PLEKHH3: variants seen among roughly 807,000 people sequenced by gnomAD.
The protein encoded by PLEKHH3 is pleckstrin homology domain-containing family H member 3.
Under a neutral mutation model 77.8 loss-of-function variants are expected in PLEKHH3, and 57 were observed. The ratio of observed to expected loss-of-function variants is 0.73; its 90% confidence interval spans 0.59 to 0.91. PLEKHH3 has a LOEUF of 0.91. PLEKHH3 is among the 40% of genes least tolerant of loss of function. The pLI is 0.00. For synonymous variants in PLEKHH3, 467 were observed against 504.8 expected (o/e 0.93, Z 1.00); for missense variants, 1,082 against 1,091.2 (o/e 0.99, Z 0.12).
Position 42,671,360 on chromosome 17 carries a change from C to T in PLEKHH3, c.1275G>A (p.Thr425=), listed in dbSNP as rs771750549. 2 of 1,612,642 alleles carry T rather than the reference C, an allele frequency of 1.2e-6. No individual in the cohort carries two copies. The highest frequency in any genetic ancestry group is 1.3e-5 in the African/African-American group (1 of 74,930). ...CTTTCTCTGGCCTCACCTCCCCCGC[C>T]GTGGTGTGGGAGTCGATGGCCACAG... ...ACAVAIDSHT[T]AGEVARELVG... Residue 425 remains threonine (T), a synonymous_variant, in exon 8 of 13, where the codon ACG becomes ACA. Coordinates refer to ENST00000591022, the MANE Select transcript of PLEKHH3 (RefSeq NM_024927.5). The surrounding 1 kb of genome is among the most constrained non-coding windows in gnomAD (Gnocchi z 4.7).
intron 7 of PLEKHH3, 66 bp downstream of exon 7, chr17:42,672,020 C>T: frequency 7.5e-7 from 1 of 1,327,824 alleles, no homozygotes. Context: ...TTGCAAAAGA[C>T]CTTTCATTCT....
At chr17:42,672,525 C>T (rs2052726784) in intron 6 of PLEKHH3, 133 bp from the exon 7 acceptor site, 2 of 762,772 alleles carry the variant, frequency 2.6e-6, no homozygotes, top group Admixed American at 3.1e-5. Flanking sequence ...AGGGTACGAA[C>T]GACAGGAAGA....
chr17:42,675,981 C>A (rs745922119), intron 1 of PLEKHH3: 80 of 1,051,040 alleles, frequency 7.6e-5, no homozygotes, highest in Non-Finnish European at 8.9e-5. Flanking sequence ...GCAGCGGGAG[C>A]TCTCGCATCT....
At position 42,673,750 on chromosome 17, in the gene PLEKHH3, G is replaced by C; in HGVS notation, c.383C>G (p.Ser128Cys). The C allele has an allele frequency of 6.3e-7, 1 of 1,599,488 alleles. No homozygotes were observed. Among genetic ancestry groups the C allele is most frequent in the Non-Finnish European group, 8.5e-7 (1 of 1,179,326 alleles). ...RRAWFVLTRD[S>C]LDQFSSSGKG... ...CCCGCTGCTGCTGAACTGATCCAGGGAGTCCCGCGTGAGCACAAACCAGGC... is the reference window on the plus strand; with the variant it reads ...CCCGCTGCTGCTGAACTGATCCAGGCAGTCCCGCGTGAGCACAAACCAGGC... Residue 128 changes from serine to cysteine, a missense_variant, in exon 4 of 13, where the codon TCC becomes TGC. Around this residue, in one of 3 missense-constraint regions of PLEKHH3, gnomAD observed 344 missense variants for 320.8 expected, o/e 1.07. Transcript: ENST00000591022.
Position 42,672,289 on chromosome 17 carries a change from G to T in PLEKHH3, c.873C>A (p.Leu291=). The change falls in exon 7 of 13, where the codon CTC becomes CTA. Residue 291 remains leucine (L), a synonymous_variant. Coordinates refer to ENST00000591022, the MANE Select transcript of PLEKHH3 (RefSeq NM_024927.5). ...GCGCGGGCAAGTCCCGGCAGGTTTG[G>T]AGCACACCCTGCATCAAGGGCCCGG... ...RRPGPLMQGV[L]QTCRDLPALR... 6.5e-7 allele frequency: 1 copy of T among 1,550,218 alleles called. No individual in the cohort carries two copies. The highest frequency in any genetic ancestry group is 1.2e-5 in the South Asian group (1 of 84,054).
rs1454366670 is a variant in PLEKHH3 at position 42,668,299 on chromosome 17, T to C, written c.2210A>G (p.Glu737Gly). The C allele has an allele frequency of 4.5e-6, 7 of 1,546,146 alleles. No homozygotes were observed. Among genetic ancestry groups the C allele is most frequent in the Non-Finnish European group, 2.6e-6 (3 of 1,155,396 alleles). ...GGCATTCACCAGCTGCATGATCTCT[T>C]CCACCTAAGAGAGGGCAGAGGTCAG... The part of the protein sequence containing the change: ...SQLLLQSPQV[E>G]EIMQLVNAYL... Residue 737 changes from glutamate to glycine, a missense_variant, in exon 13 of 13, where the codon GAA becomes GGA. Around this residue, in one of 3 missense-constraint regions of PLEKHH3, gnomAD observed 733 missense variants for 750.0 expected, o/e 0.98. Coordinates refer to ENST00000591022, the MANE Select transcript of PLEKHH3 (RefSeq NM_024927.5).
rs1476518230 is a variant in PLEKHH3, at chr17:42,673,629, C to G, written c.490+14G>C. ...CCTGCCTAGGAAGGTAGGAGAGTCC[C>G]CAGGAGGTCTCACCTGTCTCCTTAC... On this transcript the variant is annotated intron_variant, in intron 4 of 12. Coordinates refer to ENST00000591022, the MANE Select transcript of PLEKHH3 (RefSeq NM_024927.5). 1 of 1,601,360 alleles carries G rather than the reference C, an allele frequency of 6.2e-7. No homozygotes were observed. The highest frequency in any genetic ancestry group is 8.5e-7 in the Non-Finnish European group (1 of 1,178,852).
At position 42,676,336 on chromosome 17, in the gene PLEKHH3, G is replaced by A; in HGVS notation, c.162+66C>T. ...GCAGCGTGTGGCTGGAGGCTGGAGC[G>A]GATCAGCGTGACGGCCGGTTACAGC... On this transcript the variant is annotated intron_variant, in intron 1 of 12. Coordinates refer to ENST00000591022, the MANE Select transcript of PLEKHH3 (RefSeq NM_024927.5). The surrounding 1 kb of genome is among the most constrained non-coding windows in gnomAD (Gnocchi z 6.6). 1.3e-6 allele frequency: 2 copies of A among 1,594,570 alleles called. No individual in the cohort carries two copies. Among genetic ancestry groups the A allele is most frequent in the Non-Finnish European group, 8.6e-7 (1 of 1,168,648 alleles).
At position 42,669,943 on chromosome 17, in the gene PLEKHH3, C is replaced by A; in HGVS notation, c.1988G>T (p.Arg663Leu). Residue 663 changes from arginine (R) to leucine (L), a missense_variant, in exon 11 of 13, where the codon CGG becomes CTG. Physicochemically the swap from Arg to Leu is moderately radical, Grantham distance 102 (BLOSUM62 -2). Coordinates refer to ENST00000591022, the MANE Select transcript of PLEKHH3 (RefSeq NM_024927.5). ...AAQCPGFGAARYDVLELSTEP... is the reference protein window; with the variant it reads ...AAQCPGFGAALYDVLELSTEP... ...CGTGCTCAGCTCCAGAACGTCATAC[C>A]GAGCAGCGCCGAACCCCGGACACTG... The A allele has an allele frequency of 6.2e-7, 1 of 1,613,432 alleles. No homozygotes were observed. Among genetic ancestry groups the A allele is most frequent in the Non-Finnish European group, 8.5e-7 (1 of 1,179,934 alleles).
rs2052705509 is a variant in PLEKHH3, at chr17:42,671,634, A to C, written c.1077-76T>G. ...CCTCCCTCTTGCCTGCTTCTCTTAT[A>C]GTTTATTTTATCTAGCCGATTTCCT... On this transcript the variant is annotated intron_variant, in intron 7 of 12. Coordinates refer to ENST00000591022, the MANE Select transcript of PLEKHH3 (RefSeq NM_024927.5). The surrounding 1 kb of genome is among the most constrained non-coding windows in gnomAD (Gnocchi z 4.7). The C allele has an allele frequency of 2.1e-6, 3 of 1,428,736 alleles. No individual in the cohort carries two copies. Among genetic ancestry groups the C allele is most frequent in the South Asian group, 2.8e-5 (2 of 72,670 alleles). The allele number at this position is 1,428,736 out of a possible 1,614,324, so 88.5% of individuals were successfully genotyped here.
chr17:42,669,908 TCC>T lies in PLEKHH3; in HGVS notation c.2013+8_2013+9del, dbSNP rs748761119. 4.3e-6 allele frequency: 7 copies of T among 1,613,068 alleles called. No individual in the cohort carries two copies. Among genetic ancestry groups the T allele is most frequent in the African/African-American group, 1.3e-5 (1 of 74,864 alleles). On this transcript the variant is annotated splice_region_variant and intron_variant, in intron 11 of 12. Transcript: ENST00000591022. ...GCCGCCAGAGTCCCCTTCTCCCTTCTCCCCCTCACCGTGCTCAGCTCCAGAAC... is the reference window on the plus strand; with the variant it reads ...GCCGCCAGAGTCCCCTTCTCCCTTCTCCCTCACCGTGCTCAGCTCCAGAAC...
In PLEKHH3 at chr17:42,676,497, C is replaced by A; in HGVS notation, c.67G>T (p.Asp23Tyr). 6.2e-7 allele frequency: 1 copy of A among 1,609,676 alleles called. No homozygotes were observed. The highest frequency in any genetic ancestry group is 2.2e-5 in the East Asian group (1 of 44,754). Reference sequence around the variant, plus strand: ...CCGCTAAGCTCGCCGTCCCCGTAGTCCCGGTGCAGAAGAGTGAAGCCTCGA... The same window carrying A: ...CCGCTAAGCTCGCCGTCCCCGTAGTACCGGTGCAGAAGAGTGAAGCCTCGA... The part of the protein sequence containing the change: ...CRRGFTLLHR[D>Y]YGDGELSGDG... The change falls in exon 1 of 13, where the codon GAC becomes TAC. Residue 23 changes from aspartate to tyrosine, a missense_variant. Asp to Tyr is a radical substitution (Grantham distance 160, BLOSUM62 -3). Around this residue, in one of 3 missense-constraint regions of PLEKHH3, gnomAD observed 344 missense variants for 320.8 expected, o/e 1.07. Transcript: ENST00000591022. The surrounding 1 kb of genome is among the most constrained non-coding windows in gnomAD (Gnocchi z 6.6).
intron 1 of PLEKHH3, among the ~76,000 whole-genome samples, chr17:42,675,405 C>T (rs899410034): frequency 2.0e-5 from 3 of 152,178 alleles, no homozygotes; most frequent in Non-Finnish European, 4.4e-5. Flanking sequence ...TGAACCTCCA[C>T]CTATTTTCTG....
At chr17:42,675,165 G>A (rs1024772482) in intron 1 of PLEKHH3, among the ~76,000 whole-genome samples, 4 of 152,082 alleles carry the variant, frequency 2.6e-5, no homozygotes, top group Non-Finnish European at 5.9e-5. Context: ...TCTGAGAGAG[G>A]CCACAAACCC....
chr17:42,674,089 C>G, intron 2 of PLEKHH3, 76 bp from the exon 3 acceptor site: 1 of 1,462,526 alleles, frequency 6.8e-7, no homozygotes, highest in Non-Finnish European at 9.4e-7. Flanking sequence ...CCCCAGACCG[C>G]ACGGGTGTCT....
chr17:42,670,334 C>A lies in PLEKHH3; in HGVS notation c.1597G>T (p.Asp533Tyr). 2 of 1,398,884 alleles carry A rather than the reference C, an allele frequency of 1.4e-6. No individual in the cohort carries two copies. Among genetic ancestry groups the A allele is most frequent in the Non-Finnish European group, 9.2e-7 (1 of 1,084,440 alleles). The allele number at this position is 1,398,884 out of a possible 1,614,324, so 86.7% of individuals were successfully genotyped here. A position where few individuals can be genotyped will look rare whatever the true frequency, so the allele number is the denominator to read the frequency against. The change falls in exon 11 of 13, where the codon GAC becomes TAC. Residue 533 changes from aspartate to tyrosine, a missense_variant. Asp to Tyr is a radical substitution (Grantham distance 160). Transcript: ENST00000591022. ...LLRGRPPPPD[D>Y]TLRALAALRL... ...AGCGCCGCCAGGGCGCGCAGCGTGT[C>A]GTCGGGTGGGGGCGGCCGGCCCCGC...
Position 42,671,749 on chromosome 17 carries a change from A to T in PLEKHH3, c.1077-191T>A, listed in dbSNP as rs2052707787. On this transcript the variant is annotated intron_variant, in intron 7 of 12. Coordinates refer to ENST00000591022, the MANE Select transcript of PLEKHH3 (RefSeq NM_024927.5). This position sits in a 1 kb window ranked among gnomAD's most constrained non-coding sequence, Gnocchi z 4.7. ...TGAATTACTTTTCAAGTCCCCTGGC[A>T]GCTTTCTCCCAACTGCCTCCACCAC... Among the ~76,000 whole-genome samples, 1 of 152,184 alleles carries T rather than the reference A, an allele frequency of 6.6e-6. No individual in the cohort carries two copies. Among genetic ancestry groups the T allele is most frequent in the South Asian group, 2.1e-4 (1 of 4,834 alleles).
rs771178929 is a variant in PLEKHH3, at chr17:42,669,460, T to C, written c.2175A>G (p.Gly725=). 1.9e-6 allele frequency: 3 copies of C among 1,574,676 alleles called. No homozygotes were observed. The highest frequency in any genetic ancestry group is 2.6e-6 in the Non-Finnish European group (3 of 1,155,062). ...MGPHTLALRV[G]ESQLLLQSPQ... ...GGCTCTGCAGGAGGAGCTGGCTCTCTCCCACCCTCAAGGCCAGGGTGTGGG... is the reference window on the plus strand; with the variant it reads ...GGCTCTGCAGGAGGAGCTGGCTCTCCCCCACCCTCAAGGCCAGGGTGTGGG... Residue 725 remains glycine (G), a synonymous_variant, in exon 12 of 13, where the codon GGA becomes GGG. Coordinates refer to ENST00000591022, the MANE Select transcript of PLEKHH3 (RefSeq NM_024927.5).
Position 42,676,389 on chromosome 17 carries a change from C to A in PLEKHH3, c.162+13G>T. On this transcript the variant is annotated intron_variant, in intron 1 of 12. Transcript: ENST00000591022. This position sits in a 1 kb window ranked among gnomAD's most constrained non-coding sequence, Gnocchi z 6.6. ...GAGTGATTGAGACGAGGCTCCGAACCCCCGGGACTTACCCTCCCGCCGCCC... is the reference window on the plus strand; with the variant it reads ...GAGTGATTGAGACGAGGCTCCGAACACCCGGGACTTACCCTCCCGCCGCCC... The A allele has an allele frequency of 2.5e-6, 4 of 1,612,628 alleles. No homozygotes were observed. Among genetic ancestry groups the A allele is most frequent in the Non-Finnish European group, 2.5e-6 (3 of 1,179,628 alleles).
Sources: gnomAD v4.1 joint callset for allele counts (sites outside exome capture counted in the v4.1 genomes callset) on GRCh38, gnomAD v4.1.1 for gene constraint, gnomAD v4.1.1 regional missense constraint, Gnocchi (gnomAD v3.1) non-coding constraint, MANE v1.5 for transcripts, NCBI Gene and HGNC (gene_info 2026-07-23, HGNC 2026-07-21) for gene names.